SWAP70: variants seen among roughly 807,000 people sequenced by gnomAD.
SWAP70 encodes the protein switching B cell complex subunit SWAP70.
A neutral mutation model predicts 80.2 loss-of-function variants in SWAP70; 34 were observed. The ratio of observed to expected loss-of-function variants is 0.42; its 90% confidence interval spans 0.32 to 0.56. The LOEUF (loss-of-function observed/expected upper bound fraction) is 0.56, where lower values mean the gene tolerates loss of function less well. Ranked by LOEUF, SWAP70 falls within the 20% of genes least tolerant of loss-of-function variation. The pLI is 0.09. For synonymous variants in SWAP70, 239 were observed against 238.5 expected, an observed-to-expected ratio of 1.00 and a Z score of -0.02; for missense variants, 578 against 690.7, an observed-to-expected ratio of 0.84 and a Z score of 1.83.
chr11:9,667,084 C>T (rs1054215148), intron 1 of SWAP70, among the ~76,000 whole-genome samples: 6 of 151,404 alleles, frequency 4.0e-5, no homozygotes, highest in Non-Finnish European at 7.4e-5. Context: ...AGGCTGGTCT[C>T]GAACTCCTGA....
At chr11:9,697,765 T>C (rs774726534) in intron 2 of SWAP70, among the ~76,000 whole-genome samples, 5 of 152,208 alleles carry the variant, frequency 3.3e-5, no homozygotes, top group Non-Finnish European at 5.9e-5. Context: ...TGTGTGTGTG[T>C]ATTTCATGTG....
Position 9,713,745 on chromosome 11 carries a change from G to GC in SWAP70, c.414+107dup. 2.3e-6 allele frequency: 3 copies of GC among 1,332,856 alleles called. No homozygotes were observed. The South Asian group carries it at 4.6e-5, about 20-fold the overall frequency. The allele number at this position is 1,332,856 out of a possible 1,614,324, so 82.6% of individuals were successfully genotyped here. A position where few individuals can be genotyped will look rare whatever the true frequency, so the allele number is the denominator to read the frequency against. ...GCATAGATATGGAAGGAGATCCTTG[G>GC]CTAGTGTTTTTGGATCAGAGGCAAA... is the stretch of plus-strand genomic sequence containing the variant. On this transcript the variant is annotated intron_variant, in intron 3 of 11. Transcript: ENST00000318950.
At chr11:9,671,457 T>A (rs1370437625) in intron 1 of SWAP70, among the ~76,000 whole-genome samples, 1 of 53,520 alleles carries the variant, frequency 1.9e-5, no homozygotes, top group Non-Finnish European at 4.0e-5. Flanking sequence ...TATTTATAAA[T>A]ATATATATAA....
chr11:9,683,795 T>G (rs2134436480), intron 1 of SWAP70, among the ~76,000 whole-genome samples: 1 of 152,288 alleles, frequency 6.6e-6, no homozygotes, highest in East Asian at 1.9e-4. Context: ...GCTATCAGCT[T>G]AACACAGTCC....
chr11:9,703,576 C>A (rs1850861038), intron 2 of SWAP70: 6 of 436,802 alleles, frequency 1.4e-5, no homozygotes, highest in Non-Finnish European at 1.9e-5. Context: ...ACCAGCTCTC[C>A]TATAATGTGT....
intron 6 of SWAP70, among the ~76,000 whole-genome samples, chr11:9,729,922 A>G (rs1392372997): frequency 6.6e-6 from 1 of 152,224 alleles, no homozygotes; most frequent in Non-Finnish European, 1.5e-5. Context: ...CAAAGTTTTC[A>G]TTAGTTTTAT....
At chr11:9,737,725 G>A (rs1332916248) in intron 7 of SWAP70, among the ~76,000 whole-genome samples, 2 of 152,090 alleles carry the variant, frequency 1.3e-5, no homozygotes, top group South Asian at 2.1e-4. Flanking sequence ...ATGAAACCCC[G>A]TGTCTACTAA....
chr11:9,740,171 A>G lies in SWAP70; in HGVS notation c.1189-10A>G, dbSNP rs1483790863. On this transcript the variant is annotated splice_polypyrimidine_tract_variant and intron_variant, in intron 8 of 11. Coordinates refer to ENST00000318950, the MANE Select transcript of SWAP70 (RefSeq NM_015055.4). ...ACCTGCATTTAAACAAGACCCTTTTATACCAACAGATCAGACAGCAGATGG... is the reference window on the plus strand; with the variant it reads ...ACCTGCATTTAAACAAGACCCTTTTGTACCAACAGATCAGACAGCAGATGG... 1 of 1,612,860 alleles carries G rather than the reference A, an allele frequency of 6.2e-7. No homozygotes were observed. The highest frequency in any genetic ancestry group is 8.5e-7 in the Non-Finnish European group (1 of 1,179,346).
intron 2 of SWAP70, among the ~76,000 whole-genome samples, chr11:9,695,943 C>T (rs999146587): frequency 6.6e-6 from 1 of 152,008 alleles, no homozygotes; most frequent in Non-Finnish European, 1.5e-5. Context: ...TGCAGACGTA[C>T]ACCACCACAC....
Position 9,745,209 on chromosome 11 carries a change from T to C in SWAP70, c.1356-2649T>C, listed in dbSNP as rs148052075. Among the ~76,000 whole-genome samples, 165 of 152,358 alleles carry C rather than the reference T, an allele frequency of 1.1e-3. 1 individual carries two copies. The East Asian group carries it at 0.028, about 26-fold the overall frequency. On this transcript the variant is annotated intron_variant, in intron 9 of 11. Transcript: ENST00000318950. ...ACGGTTTGATTCCTGGCTCTGGTAC[T>C]TTTAGCTGTGTAACTTGAGAGAATG...
At chr11:9,694,437 A>G in intron 2 of SWAP70, 151 bp downstream of exon 2, 1 of 921,150 alleles carries the variant, frequency 1.1e-6, no homozygotes, top group African/African-American at 1.7e-5. Flanking sequence ...AGAGACTGAC[A>G]GTGCTTCCTA....
At chr11:9,719,767 C>T (rs1181886326) in intron 3 of SWAP70, among the ~76,000 whole-genome samples, 1 of 152,128 alleles carries the variant, frequency 6.6e-6, no homozygotes, top group East Asian at 1.9e-4. Flanking sequence ...GTATTTGTTT[C>T]TCACAGAACC....
At position 9,750,015 on chromosome 11, in the gene SWAP70, C is replaced by A; in HGVS notation, c.*45C>A. On this transcript the variant is annotated 3_prime_UTR_variant, in exon 12 of 12. Coordinates refer to ENST00000318950, the MANE Select transcript of SWAP70 (RefSeq NM_015055.4). ...CGTCAGTTATGTAGATACTGCATGG[C>A]AGGAGAGCTTTACGCTAAAGACAAA... 3 of 1,333,184 alleles carry A rather than the reference C, an allele frequency of 2.3e-6. No individual in the cohort carries two copies. Among genetic ancestry groups the A allele is most frequent in the Non-Finnish European group, 3.2e-6 (3 of 927,660 alleles). The allele number at this position is 1,333,184 out of a possible 1,614,324, so 82.6% of individuals were successfully genotyped here. A position where few individuals can be genotyped will look rare whatever the true frequency, so the allele number is the denominator to read the frequency against.
chr11:9,695,614 C>T lies in SWAP70; in HGVS notation c.240+1328C>T, dbSNP rs1204388585. 6.0e-5 allele frequency among the ~76,000 whole-genome samples: 7 copies of T among 116,218 alleles called. No individual in the cohort carries two copies. In the South Asian group the frequency reaches 1.8e-3, roughly 29 times the overall value. The allele number at this position is 116,218 out of a possible 152,430, so 76.2% of individuals were successfully genotyped here. On this transcript the variant is annotated intron_variant, in intron 2 of 11. Coordinates refer to ENST00000318950, the MANE Select transcript of SWAP70 (RefSeq NM_015055.4). ...AGGGGGGAACAACAGACACCAGGATCTGTTGGGGGTTGGGGGATGAGGGGA... is the reference window on the plus strand; with the variant it reads ...AGGGGGGAACAACAGACACCAGGATTTGTTGGGGGTTGGGGGATGAGGGGA...
chr11:9,672,432 A>G (rs769874627), intron 1 of SWAP70, among the ~76,000 whole-genome samples: 5 of 151,066 alleles, frequency 3.3e-5, no homozygotes, highest in African/African-American at 4.9e-5. Context: ...TGGCACGATC[A>G]TAGCTCACCA....
At chr11:9,694,991 A>C (rs1042914978) in intron 2 of SWAP70, among the ~76,000 whole-genome samples, 11 of 152,216 alleles carry the variant, frequency 7.2e-5, no homozygotes, top group African/African-American at 2.4e-4. Context: ...TCATTCTACT[A>C]TAAAGATACA....
At chr11:9,671,757 T>TTTCTATGTATACATAGAAAAATAAATATA (rs1565109867) in intron 1 of SWAP70, among the ~76,000 whole-genome samples, 1 of 44,878 alleles carries the variant, frequency 2.2e-5, no homozygotes. Flanking sequence ...TATAAATATA[T>TTTCTATGTATACATAGAAAAATAAATATA]AAATATATAA....
chr11:9,737,968 A>T (rs1252719928), intron 7 of SWAP70, among the ~76,000 whole-genome samples: 1 of 152,122 alleles, frequency 6.6e-6, no homozygotes, highest in Non-Finnish European at 1.5e-5. Context: ...CTGTACTAAA[A>T]CTTTCTTTGC....
intron 3 of SWAP70, among the ~76,000 whole-genome samples, chr11:9,714,904 C>T (rs1280283190): frequency 6.7e-6 from 1 of 150,176 alleles, no homozygotes; most frequent in East Asian, 1.9e-4. Context: ...CCTCCACCTC[C>T]CAGGTTCAAA....
Sources: gnomAD v4.1 joint callset for allele counts (sites outside exome capture counted in the v4.1 genomes callset) on GRCh38, gnomAD v4.1.1 for gene constraint, MANE v1.5 for transcripts, NCBI Gene and HGNC (gene_info 2026-07-23, HGNC 2026-07-21) for gene names.